Variants in SLC52A2 observed in about 807,000 individuals in gnomAD.
SLC52A2 encodes the protein solute carrier family 52 member 2, also known as solute carrier family 52, riboflavin transporter, member 2.
A neutral mutation model predicts 24.8 loss-of-function variants in SLC52A2; 16 were observed. The observed-to-expected ratio is 0.64, with a 90% CI of 0.44 to 0.98. The LOEUF is 0.98. Ranked by LOEUF, SLC52A2 falls within the 50% of genes least tolerant of loss-of-function variation. SLC52A2 has a pLI of 0.00. For missense variants in SLC52A2, 612 were observed against 575.9 expected (o/e 1.06, Z -0.64); for synonymous variants, 335 against 276.3 (o/e 1.21, Z -2.11).
At chr8:144,360,753 G>T (rs2130650785) in intron 4 of SLC52A2, 40 bp downstream of exon 4, 1 of 1,605,638 alleles carries the variant, frequency 6.2e-7, no homozygotes. Context: ...GGGGGGCGTT[G>T]CCCTGGAGCA....
chr8:144,360,412 G>A lies in SLC52A2; in HGVS notation c.920G>A (p.Arg307His), dbSNP rs143091206. ...VQSFSCLPYG[R>H]LAYHLAVVLG... is the part of the protein sequence containing the mutation. ...AGCTTTTCCTGCTTACCCTACGGGCGTCTGGCCTACCACCTGGCTGTGGTG... is the reference window on the plus strand; with the variant it reads ...AGCTTTTCCTGCTTACCCTACGGGCATCTGGCCTACCACCTGGCTGTGGTG... The change falls in exon 3 of 5, where the codon CGT becomes CAT. Residue 307 changes from arginine (R) to histidine (H), a missense_variant. Arg to His is a conservative substitution (Grantham distance 29). Transcript: ENST00000643944. 1.7e-4 allele frequency: 279 copies of A among 1,607,062 alleles called. No individual in the cohort carries two copies. Among genetic ancestry groups the A allele is most frequent in the Middle Eastern group, 4.9e-4 (3 of 6,062 alleles).
chr8:144,361,201 G>C lies in SLC52A2; in HGVS notation c.*186G>C. ...GGAGCAGGCTTGGAGCCAGGGACCA[G>C]TGGGGGCTGTAGGGTAAGCCCCTGA... On this transcript the variant is annotated 3_prime_UTR_variant, in exon 5 of 5. Transcript: ENST00000643944. The C allele has an allele frequency of 1.6e-6, 1 of 621,278 alleles. No individual in the cohort carries two copies. 38.5% of individuals were successfully genotyped at this position (621,278 alleles called of 1,614,324 possible).
Position 144,360,454 on chromosome 8 carries a change from A to G in SLC52A2, c.962A>G (p.Asn321Ser), listed in dbSNP as rs540314261. The G allele has an allele frequency of 2.5e-6, 4 of 1,604,626 alleles. No individual in the cohort carries two copies. Among genetic ancestry groups the G allele is most frequent in the Non-Finnish European group, 2.5e-6 (3 of 1,179,740 alleles). Residue 321 changes from asparagine to serine, a missense_variant, in exon 3 of 5, where the codon AAT becomes AGT. Coordinates refer to ENST00000643944, the MANE Select transcript of SLC52A2 (RefSeq NM_001363118.2). ...HLAVVLGSAA[N>S]PLACFLAMGV... ...GCTGTGGTGCTGGGCAGTGCTGCCAATCCCCTGGCCTGCTTCCTGGCCATG... is the reference window on the plus strand; with the variant it reads ...GCTGTGGTGCTGGGCAGTGCTGCCAGTCCCCTGGCCTGCTTCCTGGCCATG...
rs1320967548 is a variant in SLC52A2 at position 144,360,071 on chromosome 8, C to G, written c.579C>G (p.Ala193=). The change falls in exon 3 of 5, where the codon GCC becomes GCG. Residue 193 remains alanine, a synonymous_variant. Transcript: ENST00000643944. ...PPLDFLERFP[A]STFFWALTAL... ...TCGACTTCCTTGAGCGTTTTCCCGC[C>G]AGCACCTTCTTCTGGGCACTGACTG... 6.2e-7 allele frequency: 1 copy of G among 1,613,026 alleles called. No individual in the cohort carries two copies. The highest frequency in any genetic ancestry group is 1.3e-5 in the African/African-American group (1 of 75,066).
At chr8:144,358,579 C>A (rs899646531), upstream of SLC52A2, 9 of 1,159,868 alleles carry the variant, frequency 7.8e-6, no homozygotes, top group East Asian at 1.9e-4. Flanking sequence ...CGGTCGTGGG[C>A]CATGCCGGGG....
At position 144,360,215 on chromosome 8, in the gene SLC52A2, G is replaced by A. The variant is rs1554854166; in HGVS notation, c.723G>A (p.Glu241=). The A allele has an allele frequency of 1.9e-6, 3 of 1,612,776 alleles. No homozygotes were observed. In the East Asian group the frequency reaches 6.7e-5, roughly 36 times the overall value. Reference sequence around the variant, plus strand: ...TCCAGGTGGGAGCCCCAGGAGCAGAGGAAGAGGTGGAAGAGTCCTCACCAC... The same window carrying A: ...TCCAGGTGGGAGCCCCAGGAGCAGAAGAAGAGGTGGAAGAGTCCTCACCAC... ...SGLQVGAPGA[E]EEVEESSPLQ... The change falls in exon 3 of 5, where the codon GAG becomes GAA. Residue 241 remains glutamate, a synonymous_variant. Transcript: ENST00000643944.
chr8:144,359,198 C>G lies in SLC52A2; in HGVS notation c.-96C>G, dbSNP rs1404207742. On this transcript the variant is annotated 5_prime_UTR_variant, in exon 2 of 5. Coordinates refer to ENST00000643944, the MANE Select transcript of SLC52A2 (RefSeq NM_001363118.2). The stretch of plus-strand genomic sequence containing the variant: ...TTTCTTTCAAGCTAGAAGAAGTCTT[C>G]ACTTCCCAGGAGAGCCAAAGCGTGT... The G allele has an allele frequency of 6.6e-7, 1 of 1,506,376 alleles. No homozygotes were observed. The highest frequency in any genetic ancestry group is 2.3e-5 in the East Asian group (1 of 44,150). The allele number at this position is 1,506,376 out of a possible 1,614,324, so 93.3% of individuals were successfully genotyped here.
rs1554854547 is a variant in SLC52A2 at position 144,360,798 on chromosome 8, C to T, written c.1126-5C>T. 1 of 1,612,078 alleles carries T rather than the reference C, an allele frequency of 6.2e-7. No individual in the cohort carries two copies. The highest frequency in any genetic ancestry group is 1.3e-5 in the African/African-American group (1 of 74,900). Reference sequence around the variant, plus strand: ...CACGCTCAGCTGGTGCTGTGTCCCCCTCAGGTGCTGTCGTGGGTGCTGTGT... The same window carrying T: ...CACGCTCAGCTGGTGCTGTGTCCCCTTCAGGTGCTGTCGTGGGTGCTGTGT... On this transcript the variant is annotated splice_polypyrimidine_tract_variant and splice_region_variant and intron_variant, in intron 4 of 4. Coordinates refer to ENST00000643944, the MANE Select transcript of SLC52A2 (RefSeq NM_001363118.2).
At position 144,360,418 on chromosome 8, in the gene SLC52A2, C is replaced by T. The variant is rs1554854307; in HGVS notation, c.926C>T (p.Ala309Val). ...TCCTGCTTACCCTACGGGCGTCTGG[C>T]CTACCACCTGGCTGTGGTGCTGGGC... ...SFSCLPYGRL[A>V]YHLAVVLGSA... Residue 309 changes from alanine (A) to valine (V), a missense_variant, in exon 3 of 5, where the codon GCC (alanine) becomes GTC (valine). Coordinates refer to ENST00000643944, the MANE Select transcript of SLC52A2 (RefSeq NM_001363118.2). 6.2e-7 allele frequency: 1 copy of T among 1,606,904 alleles called. No individual in the cohort carries two copies.
At position 144,360,844 on chromosome 8, in the gene SLC52A2, G is replaced by A; in HGVS notation, c.1167G>A (p.Val389=). 1.2e-6 allele frequency: 2 copies of A among 1,613,316 alleles called. No homozygotes were observed. The highest frequency in any genetic ancestry group is 1.7e-6 in the Non-Finnish European group (2 of 1,179,872). ...TGTGTCTTGGCGTGTTCTCCTACGT[G>A]AAGGTGGCAGCCAGCTCCCTGCTGC... ...WVLCLGVFSY[V]KVAASSLLHG... is the part of the protein sequence containing the mutation. The change falls in exon 5 of 5, where the codon GTG becomes GTA. Residue 389 remains valine (V), a synonymous_variant. Transcript: ENST00000643944.
At position 144,359,865 on chromosome 8, in the gene SLC52A2, T is replaced by C. The variant is rs1818717070; in HGVS notation, c.373T>C (p.Cys125Arg). The C allele has an allele frequency of 6.2e-7, 1 of 1,613,688 alleles. No individual in the cohort carries two copies. The highest frequency in any genetic ancestry group is 1.1e-5 in the South Asian group (1 of 91,094). ...ACTGGCCTTTGTGCTGGCACTGGCA[T>C]GCTGTGCCTCGAATGTCACTTTCCT... is the stretch of plus-strand genomic sequence containing the variant. ...LALAFVLALA[C>R]CASNVTFLPF... Residue 125 changes from cysteine to arginine, a missense_variant, in exon 3 of 5, where the codon TGC becomes CGC. Physicochemically the swap from Cys to Arg is radical, Grantham distance 180 (BLOSUM62 -3). Transcript: ENST00000643944.
At chr8:144,359,160 A>G (rs192748997) in intron 1 of SLC52A2, 24 bp from the exon 2 acceptor site, 3 of 1,369,296 alleles carry the variant, frequency 2.2e-6, no homozygotes, top group East Asian at 4.7e-5. Flanking sequence ...TCTGCATCCT[A>G]TCTGTTTCTC....
chr8:144,360,156 C>A lies in SLC52A2; in HGVS notation c.664C>A (p.Pro222Thr). The A allele has an allele frequency of 6.2e-7, 1 of 1,612,912 alleles. No individual in the cohort carries two copies. The change falls in exon 3 of 5, where the codon CCA (proline) becomes ACA (threonine). Residue 222 changes from proline (P) to threonine (T), a missense_variant. By Grantham distance (38) the Pro-to-Thr change is conservative. Transcript: ENST00000643944. ...TCTTCTGCTGCTGTTGCCGCCACCACCATCTGTACCCACAGGGGAGTTAGG... is the reference window on the plus strand; with the variant it reads ...TCTTCTGCTGCTGTTGCCGCCACCAACATCTGTACCCACAGGGGAGTTAGG... The part of the protein sequence containing the change: ...QGLLLLLPPP[P>T]SVPTGELGSG...
rs782396304 is a variant in SLC52A2 at position 144,360,855 on chromosome 8, C to T, written c.1178C>T (p.Ala393Val). Residue 393 changes from alanine (A) to valine (V), a missense_variant, in exon 5 of 5, where the codon GCC becomes GTC. Physicochemically the swap from Ala to Val is moderately conservative, Grantham distance 64. Coordinates refer to ENST00000643944, the MANE Select transcript of SLC52A2 (RefSeq NM_001363118.2). ...GTGTTCTCCTACGTGAAGGTGGCAG[C>T]CAGCTCCCTGCTGCATGGCGGGGGC... ...LGVFSYVKVA[A>V]SSLLHGGGRP... 1.1e-5 allele frequency: 17 copies of T among 1,613,154 alleles called. No individual in the cohort carries two copies. Among genetic ancestry groups the T allele is most frequent in the Non-Finnish European group, 1.4e-5 (17 of 1,179,894 alleles).
At chr8:144,359,127 T>C in intron 1 of SLC52A2, 57 bp from the exon 2 acceptor site, 4 of 1,074,154 alleles carry the variant, frequency 3.7e-6, no homozygotes, top group Non-Finnish European at 5.2e-6. Flanking sequence ...GTTCCCCTGG[T>C]CTCACCCTGT....
chr8:144,360,881 C>A lies in SLC52A2; in HGVS notation c.1204C>A (p.Arg402=). ...AASSLLHGGG[R]PALLAAGVAI... is the part of the protein sequence containing the mutation. ...CAGCTCCCTGCTGCATGGCGGGGGC[C>A]GGCCGGCATTGCTGGCAGCCGGCGT... Residue 402 remains arginine (R), a synonymous_variant, in exon 5 of 5, where the codon CGG becomes AGG. Coordinates refer to ENST00000643944, the MANE Select transcript of SLC52A2 (RefSeq NM_001363118.2). 2 of 1,612,950 alleles carry A rather than the reference C, an allele frequency of 1.2e-6. No homozygotes were observed. Among genetic ancestry groups the A allele is most frequent in the Non-Finnish European group, 1.7e-6 (2 of 1,179,904 alleles).
Position 144,360,087 on chromosome 8 carries a change from G to A in SLC52A2, c.595G>A (p.Ala199Thr), listed in dbSNP as rs781952472. 9.3e-6 allele frequency: 15 copies of A among 1,612,976 alleles called. No homozygotes were observed. In the South Asian group the frequency reaches 1.6e-4, roughly 18 times the overall value. Reference sequence around the variant, plus strand: ...TTTTCCCGCCAGCACCTTCTTCTGGGCACTGACTGCCCTTCTGGTCGCTTC... The same window carrying A: ...TTTTCCCGCCAGCACCTTCTTCTGGACACTGACTGCCCTTCTGGTCGCTTC... ...ERFPASTFFW[A>T]LTALLVASAA... The change falls in exon 3 of 5, where the codon GCA (alanine) becomes ACA (threonine). Residue 199 changes from alanine (A) to threonine (T), a missense_variant. Coordinates refer to ENST00000643944, the MANE Select transcript of SLC52A2 (RefSeq NM_001363118.2).
rs1292044527 is a variant in SLC52A2, at chr8:144,359,232, A to C, written c.-62A>C. 3.2e-6 allele frequency: 5 copies of C among 1,548,358 alleles called. No homozygotes were observed. Among genetic ancestry groups the C allele is most frequent in the Non-Finnish European group, 4.3e-6 (5 of 1,149,850 alleles). On this transcript the variant is annotated 5_prime_UTR_variant, in exon 2 of 5. Transcript: ENST00000643944. ...GGAGAGCCAAAGCGTGTCTGGCCCTAGGTGGGAAAAGAACTGGCTGTGACC... is the reference window on the plus strand; with the variant it reads ...GGAGAGCCAAAGCGTGTCTGGCCCTCGGTGGGAAAAGAACTGGCTGTGACC...
chr8:144,358,738 C>T lies in SLC52A2; in HGVS notation c.-438C>T, dbSNP rs887858910. 5 of 322,742 alleles carry T rather than the reference C, an allele frequency of 1.5e-5. No homozygotes were observed. Among genetic ancestry groups the T allele is most frequent in the Admixed American group, 1.0e-4 (2 of 19,906 alleles). The allele number at this position is 322,742 out of a possible 1,614,324, so 20.0% of individuals were successfully genotyped here. ...GAGCGGGAGCGCACTGGGCGCGGGACCGGGAGGCGCAGGGACCGGACGGCT... is the reference window on the plus strand; with the variant it reads ...GAGCGGGAGCGCACTGGGCGCGGGATCGGGAGGCGCAGGGACCGGACGGCT... On this transcript the variant is annotated 5_prime_UTR_variant, in exon 1 of 5. Coordinates refer to ENST00000643944, the MANE Select transcript of SLC52A2 (RefSeq NM_001363118.2).
Sources: gnomAD v4.1 joint callset for allele counts on GRCh38, gnomAD v4.1.1 for gene constraint, MANE v1.5 for transcripts, NCBI Gene and HGNC (gene_info 2026-07-23, HGNC 2026-07-21) for gene names.